Variants in WWC2 observed in about 807,000 individuals in gnomAD.
WWC2 encodes WW and C2 domain containing 2, also known as protein WWC2.
Under a neutral mutation model 138.5 loss-of-function variants are expected in WWC2, and 101 were observed. The observed-to-expected ratio is 0.73, with a 90% confidence interval of 0.62 to 0.86. The LOEUF (loss-of-function observed/expected upper bound fraction) is 0.86. Ranked by LOEUF, WWC2 falls within the 40% of genes least tolerant of loss-of-function variation. The pLI, the probability that WWC2 is intolerant of heterozygous loss-of-function variation, is 0.00. For missense variants in WWC2, 1,420 were observed against 1,419.4 expected, an observed-to-expected ratio of 1.00 and a Z score of -0.01; for synonymous variants, 558 against 538.4, an observed-to-expected ratio of 1.04 and a Z score of -0.50.
chr4:183,109,954 TA>T (rs921190180), intron 1 of WWC2, among the ~76,000 whole-genome samples: 1 of 152,238 alleles, frequency 6.6e-6, no homozygotes, highest in African/African-American at 2.4e-5. Flanking sequence ...ATAGGTCTGT[TA>T]CTCTTAAGGT....
At chr4:183,111,088 T>C (rs544634623) in intron 1 of WWC2, among the ~76,000 whole-genome samples, 3 of 151,906 alleles carry the variant, frequency 2.0e-5, no homozygotes, top group South Asian at 4.2e-4. Flanking sequence ...AAATATAAAA[T>C]AATTAGCCGG....
intron 4 of WWC2, among the ~76,000 whole-genome samples, chr4:183,226,889 T>G (rs1268330792): frequency 6.6e-6 from 1 of 152,062 alleles, no homozygotes; most frequent in East Asian, 1.9e-4. Flanking sequence ...TCATAGAGAC[T>G]GTACACCGGG....
chr4:183,296,300 C>T (rs1738627793), intron 21 of WWC2, among the ~76,000 whole-genome samples: 1 of 152,202 alleles, frequency 6.6e-6, no homozygotes, highest in Admixed American at 6.5e-5. Flanking sequence ...CATGGCAGTA[C>T]TCTCTTAGAT....
chr4:183,251,271 G>A (rs1307733381), intron 8 of WWC2, among the ~76,000 whole-genome samples: 2 of 152,228 alleles, frequency 1.3e-5, no homozygotes, highest in African/African-American at 2.4e-5. Context: ...CCAGCTTTCG[G>A]TAGATAGTGC....
At chr4:183,257,300 G>A (rs1382018236) in intron 9 of WWC2, among the ~76,000 whole-genome samples, 3 of 152,116 alleles carry the variant, frequency 2.0e-5, no homozygotes, top group African/African-American at 7.2e-5. Flanking sequence ...ACTTAGTTTT[G>A]AGTGGAAAAG....
chr4:183,290,527 A>C lies in WWC2; in HGVS notation c.3384+892A>C, dbSNP rs570144985. Among the ~76,000 whole-genome samples the C allele has an allele frequency of 5.3e-5, 8 of 152,220 alleles. No individual in the cohort carries two copies. The South Asian group carries it at 1.5e-3, about 28-fold the overall frequency. On this transcript the variant is annotated intron_variant, in intron 21 of 22. Transcript: ENST00000403733. ...GTGAGACTCCATCTCAAAAAAAAAA[A>C]AAACAGTATTTTTAAAGAAACTATT...
intron 4 of WWC2, among the ~76,000 whole-genome samples, chr4:183,237,736 T>C (rs943982558): frequency 1.3e-5 from 2 of 152,262 alleles, no homozygotes; most frequent in African/African-American, 4.8e-5. Context: ...ATTGAATATC[T>C]GCTTTGTCCA....
intron 1 of WWC2, among the ~76,000 whole-genome samples, chr4:183,132,218 T>C (rs1732947900): frequency 6.6e-6 from 1 of 152,150 alleles, no homozygotes; most frequent in Non-Finnish European, 1.5e-5. Flanking sequence ...TTAATCCTTT[T>C]ATTTTGTTTT....
chr4:183,253,441 G>A (rs757523182), intron 8 of WWC2, among the ~76,000 whole-genome samples: 25 of 152,100 alleles, frequency 1.6e-4, no homozygotes, highest in Admixed American at 2.6e-4. Context: ...CTCTCGTGGC[G>A]CCCAGAGCAC....
At chr4:183,149,621 TA>T (rs776141200) in intron 1 of WWC2, among the ~76,000 whole-genome samples, 2,246 of 134,504 alleles carry the variant, frequency 0.017, 37 homozygotes, top group African/African-American at 0.046. Context: ...AAACTCTGTC[TA>T]AAAAAAAAAA....
intron 21 of WWC2, among the ~76,000 whole-genome samples, chr4:183,310,958 A>G (rs1351758767): frequency 3.3e-5 from 5 of 152,212 alleles, no homozygotes; most frequent in Non-Finnish European, 7.3e-5. Context: ...CAACTTTGAA[A>G]TAAGTACTTA....
chr4:183,259,536 T>G lies in WWC2; in HGVS notation c.1197-103T>G, dbSNP rs1017524126. The G allele has an allele frequency of 6.5e-6, 6 of 925,146 alleles. No homozygotes were observed. The African/African-American group carries it at 1.0e-4, about 16-fold the overall frequency. 57.3% of individuals were successfully genotyped at this position (925,146 alleles called of 1,614,324 possible). A position where few individuals can be genotyped will look rare whatever the true frequency, so the allele number is the denominator to read the frequency against. On this transcript the variant is annotated intron_variant, in intron 9 of 22. Transcript: ENST00000403733. Reference sequence around the variant, plus strand: ...TTCTGTCTGTGGAGCCCATTCACATTTTTCCCTTGTGATCTGTAATGTTTG... The same window carrying G: ...TTCTGTCTGTGGAGCCCATTCACATGTTTCCCTTGTGATCTGTAATGTTTG...
chr4:183,191,370 TGAGA>T (rs1734985836), intron 1 of WWC2, among the ~76,000 whole-genome samples: 1 of 152,168 alleles, frequency 6.6e-6, no homozygotes, highest in Non-Finnish European at 1.5e-5. Flanking sequence ...TTAACATGTT[TGAGA>T]TTCATTTTAC....
At chr4:183,164,370 TATATAC>T (rs1269231352) in intron 1 of WWC2, among the ~76,000 whole-genome samples, 2 of 628 alleles carry the variant, frequency 3.2e-3, no homozygotes, top group East Asian at 0.029. Flanking sequence ...ATATATATTA[TATATAC>T]ATATATATAT....
At chr4:183,232,786 TAC>T (rs2111292082) in intron 4 of WWC2, among the ~76,000 whole-genome samples, 1 of 152,274 alleles carries the variant, frequency 6.6e-6, no homozygotes, top group East Asian at 1.9e-4. Flanking sequence ...TAGCTGGGAT[TAC>T]AGGCGCATGC....
intron 1 of WWC2, among the ~76,000 whole-genome samples, chr4:183,101,741 A>G (rs1350916447): frequency 6.6e-6 from 1 of 152,184 alleles, no homozygotes; most frequent in Non-Finnish European, 1.5e-5. Context: ...GGAAAGAGAG[A>G]TGTTACACAG....
intron 1 of WWC2, among the ~76,000 whole-genome samples, chr4:183,148,484 A>C (rs1047306362): frequency 5.9e-5 from 9 of 152,152 alleles, no homozygotes; most frequent in African/African-American, 1.7e-4. Context: ...AAGCTATCTT[A>C]ATGTTTACTG....
intron 1 of WWC2, among the ~76,000 whole-genome samples, chr4:183,101,902 GTTA>G (rs1003427203): frequency 1.3e-5 from 2 of 152,140 alleles, no homozygotes; most frequent in Admixed American, 1.3e-4. Flanking sequence ...TATTTTTTAT[GTTA>G]TTCTGTTAAG....
chr4:183,251,965 A>G (rs1736994766), intron 8 of WWC2, among the ~76,000 whole-genome samples: 1 of 152,172 alleles, frequency 6.6e-6, no homozygotes, highest in South Asian at 2.1e-4. Flanking sequence ...ATGTTGAGAC[A>G]GTTGTTTATG....
Sources: gnomAD v4.1 joint callset for allele counts (sites outside exome capture counted in the v4.1 genomes callset) on GRCh38, gnomAD v4.1.1 for gene constraint, MANE v1.5 for transcripts, NCBI Gene and HGNC (gene_info 2026-07-23, HGNC 2026-07-21) for gene names.